Variants in PLCL2 observed in about 807,000 individuals in gnomAD.
PLCL2 encodes the protein phospholipase C like 2.
PLCL2 carries 4 observed loss-of-function variants against 79.6 expected under a neutral mutation model. The observed-to-expected ratio is 0.05, with a 90% CI of 0.02 to 0.11. PLCL2 has a LOEUF of 0.11. Ranked by LOEUF, PLCL2 falls within the 10% of genes least tolerant of loss-of-function variation. The pLI, the probability that PLCL2 is intolerant of heterozygous loss-of-function variation, is 1.00. For missense variants in PLCL2, 895 were observed against 1,291.0 expected (o/e 0.69, Z 4.70); for synonymous variants, 484 against 457.7 (o/e 1.06, Z -0.73).
chr3:16,998,245 G>T (rs1482413488), intron 1 of PLCL2, among the ~76,000 whole-genome samples: 1 of 152,130 alleles, frequency 6.6e-6, no homozygotes. Flanking sequence ...CCAGCACAGT[G>T]TAGGGGAAAG....
At chr3:17,034,524 A>G (rs1435642609) in intron 3 of PLCL2, among the ~76,000 whole-genome samples, 1 of 152,158 alleles carries the variant, frequency 6.6e-6, no homozygotes, top group African/African-American at 2.4e-5. Flanking sequence ...CATTTTGCAA[A>G]CATTTGTTGA....
In PLCL2 at chr3:17,010,712, A is replaced by G; in HGVS notation, c.1366A>G (p.Ile456Val). Residue 456 changes from isoleucine to valine, a missense_variant, in exon 2 of 6, where the codon ATC becomes GTC. Physicochemically the swap from Ile to Val is conservative, Grantham distance 29. Around this residue, in one of 6 missense-constraint regions of PLCL2, gnomAD observed 242 missense variants for 399.5 expected, o/e 0.61. Coordinates refer to ENST00000615277, the MANE Select transcript of PLCL2 (RefSeq NM_001144382.2). This position sits in a 1 kb window ranked among gnomAD's most constrained non-coding sequence, Gnocchi z 5.8. ...IEDQFRGPSD[I>V]TGYIRALKMG... ...GGATCAGTTCCGAGGTCCCTCCGAC[A>G]TCACAGGATATATTCGAGCTCTTAA... The G allele has an allele frequency of 6.2e-7, 1 of 1,614,190 alleles. No individual in the cohort carries two copies. The highest frequency in any genetic ancestry group is 1.1e-5 in the South Asian group (1 of 91,082).
intron 1 of PLCL2, among the ~76,000 whole-genome samples, chr3:16,960,072 T>C (rs1837697): frequency 0.57 from 86,743 of 151,892 alleles, 24,947 homozygotes; most frequent in South Asian, 0.64. Flanking sequence ...GCCACTGCAC[T>C]CCAGCGTGGG....
chr3:16,940,617 C>T (rs1697656478), intron 1 of PLCL2, among the ~76,000 whole-genome samples: 1 of 151,968 alleles, frequency 6.6e-6, no homozygotes, highest in African/African-American at 2.4e-5. Context: ...ACAAAATATA[C>T]TCCCTAAACC....
intron 1 of PLCL2, among the ~76,000 whole-genome samples, chr3:16,931,021 C>T (rs1038889084): frequency 5.3e-5 from 8 of 152,022 alleles, no homozygotes; most frequent in Non-Finnish European, 8.8e-5. Flanking sequence ...ACTCCAATGC[C>T]TTCTGCTTGG....
At chr3:16,913,724 C>G (rs1025439588) in intron 1 of PLCL2, among the ~76,000 whole-genome samples, 2 of 151,852 alleles carry the variant, frequency 1.3e-5, no homozygotes, top group African/African-American at 2.4e-5. Flanking sequence ...TAAAAAATAG[C>G]TGTCATGTAG....
intron 1 of PLCL2, among the ~76,000 whole-genome samples, chr3:16,979,196 A>G (rs995793381): frequency 3.9e-5 from 6 of 152,286 alleles, no homozygotes; most frequent in African/African-American, 1.4e-4. Context: ...AGCCTCAATT[A>G]AATCTATGGC....
chr3:17,079,189 T>C (rs367979732), intron 5 of PLCL2, among the ~76,000 whole-genome samples: 2 of 152,162 alleles, frequency 1.3e-5, no homozygotes, highest in African/African-American at 4.8e-5. Flanking sequence ...TGCCTCTCAG[T>C]GTCCCCTCGC....
intron 1 of PLCL2, among the ~76,000 whole-genome samples, chr3:16,928,600 C>T (rs1697313740): frequency 6.6e-6 from 1 of 152,154 alleles, no homozygotes; most frequent in South Asian, 2.1e-4. Context: ...GGGTTGAGGG[C>T]CTGGGCTCTG....
At chr3:17,076,790 G>C (rs139677941) in intron 5 of PLCL2, among the ~76,000 whole-genome samples, 279 of 152,088 alleles carry the variant, frequency 1.8e-3, no homozygotes, top group African/African-American at 6.3e-3. Context: ...GCACTCAGCC[G>C]TTTCCTTTTT....
At chr3:17,004,967 C>T (rs1417077043) in intron 1 of PLCL2, among the ~76,000 whole-genome samples, 1 of 150,032 alleles carries the variant, frequency 6.7e-6, no homozygotes, top group African/African-American at 2.5e-5. Flanking sequence ...TGTTTTCATA[C>T]TACACCCTCT....
At chr3:17,026,562 C>T (rs142167101) in intron 3 of PLCL2, among the ~76,000 whole-genome samples, 238 of 152,238 alleles carry the variant, frequency 1.6e-3, no homozygotes, top group African/African-American at 5.2e-3. Context: ...TGTAATTCTG[C>T]GGCATGAAAT....
rs61190858 is a variant in PLCL2, at chr3:17,075,545, T to TAAA, written c.3204+7497_3204+7499dup. 8.8e-3 allele frequency among the ~76,000 whole-genome samples: 1,139 copies of TAAA among 129,726 alleles called. 22 individuals are homozygous for TAAA. The highest frequency in any genetic ancestry group is 0.022 in the African/African-American group (783 of 34,934). 85.1% of individuals were successfully genotyped at this position (129,726 alleles called of 152,430 possible). A position where few individuals can be genotyped will look rare whatever the true frequency, so the allele number is the denominator to read the frequency against. On this transcript the variant is annotated intron_variant, in intron 5 of 5. Transcript: ENST00000615277. ...AAGGTTGCCACAAACCTTCAATGTG[T>TAAA]AAAAAAAAAAAAAAAAAAATGCAGT...
At chr3:16,967,246 A>G (rs917206940) in intron 1 of PLCL2, among the ~76,000 whole-genome samples, 2 of 152,084 alleles carry the variant, frequency 1.3e-5, no homozygotes, top group Non-Finnish European at 2.9e-5. Flanking sequence ...ATGTGTCTCT[A>G]TGGTAGAACA....
At position 17,029,111 on chromosome 3, in the gene PLCL2, C is replaced by T. The variant is rs145242223; in HGVS notation, c.3019-13763C>T. Among the ~76,000 whole-genome samples, 313 of 152,140 alleles carry T rather than the reference C, an allele frequency of 2.1e-3. 2 individuals are homozygous for T. The highest frequency in any genetic ancestry group is 3.4e-3 in the Middle Eastern group (1 of 294). On this transcript the variant is annotated intron_variant, in intron 3 of 5. Coordinates refer to ENST00000615277, the MANE Select transcript of PLCL2 (RefSeq NM_001144382.2). ...CACTTATGTTCTAAGGCAGTGAGGG[C>T]TGGCTTTGCTGGTCCAAGAAGAGGA... is the stretch of plus-strand genomic sequence containing the variant.
chr3:17,041,171 G>A (rs1285150724), intron 3 of PLCL2, among the ~76,000 whole-genome samples: 1 of 152,162 alleles, frequency 6.6e-6, no homozygotes, highest in African/African-American at 2.4e-5. Flanking sequence ...TTTTATTGCT[G>A]CCTGTTCAAT....
intron 1 of PLCL2, among the ~76,000 whole-genome samples, chr3:16,934,214 C>G (rs1042064473): frequency 3.3e-5 from 5 of 152,104 alleles, no homozygotes; most frequent in Admixed American, 1.3e-4. Flanking sequence ...ACAGTTAAAT[C>G]CACATAATGT....
At chr3:16,900,497 T>G (rs1020625196) in intron 1 of PLCL2, among the ~76,000 whole-genome samples, 2 of 152,202 alleles carry the variant, frequency 1.3e-5, no homozygotes, top group Non-Finnish European at 2.9e-5. Context: ...TAAAGCTATA[T>G]GTTGATTTGC....
intron 1 of PLCL2, among the ~76,000 whole-genome samples, chr3:16,896,996 G>C (rs957681797): frequency 6.6e-6 from 1 of 152,024 alleles, no homozygotes; most frequent in Non-Finnish European, 1.5e-5. Flanking sequence ...CTTATATGTT[G>C]GGTTCTCGAC....
Sources: gnomAD v4.1 joint callset for allele counts (sites outside exome capture counted in the v4.1 genomes callset) on GRCh38, gnomAD v4.1.1 for gene constraint, gnomAD v4.1.1 regional missense constraint, Gnocchi (gnomAD v3.1) non-coding constraint, MANE v1.5 for transcripts, NCBI Gene and HGNC (gene_info 2026-07-23, HGNC 2026-07-21) for gene names.